USP37: variants seen among roughly 807,000 people sequenced by gnomAD.
USP37 encodes the protein ubiquitin specific peptidase 37.
USP37 carries 27 observed loss-of-function variants against 124.0 expected under a neutral mutation model. That is an observed-to-expected ratio of 0.22 (90% confidence interval 0.16 to 0.30). USP37 has a LOEUF of 0.30. USP37 is among the 10% of genes least tolerant of loss of function. USP37 has a pLI of 1.00. For missense variants in USP37, 889 were observed against 1,140.4 expected (o/e 0.78, Z 3.17); for synonymous variants, 365 against 388.0 (o/e 0.94, Z 0.70).
At chr2:218,505,120 T>C (rs1430843480) in intron 11 of USP37, among the ~76,000 whole-genome samples, 2 of 152,192 alleles carry the variant, frequency 1.3e-5, no homozygotes, top group African/African-American at 4.8e-5. Flanking sequence ...GCTCAAGCAA[T>C]CCTCCCACCT....
intron 8 of USP37, among the ~76,000 whole-genome samples, chr2:218,538,366 T>TG (rs1223585238): frequency 6.6e-6 from 1 of 152,248 alleles, no homozygotes; most frequent in African/African-American, 2.4e-5. Flanking sequence ...CGAGCAAGCC[T>TG]GGAAGATTGG....
chr2:218,542,177 GTTAT>G (rs1426749137), intron 8 of USP37, among the ~76,000 whole-genome samples: 1 of 152,108 alleles, frequency 6.6e-6, no homozygotes, highest in Non-Finnish European at 1.5e-5. Context: ...CTCCCACTCT[GTTAT>G]TTGTCTCCTC....
At chr2:218,550,776 C>A (rs1015468018) in intron 5 of USP37, among the ~76,000 whole-genome samples, 6 of 151,726 alleles carry the variant, frequency 4.0e-5, no homozygotes, top group Admixed American at 2.0e-4. Context: ...ATCTATTTTG[C>A]TTCCTGAATT....
chr2:218,566,639 T>C (rs766079497), intron 1 of USP37, among the ~76,000 whole-genome samples: 7 of 152,208 alleles, frequency 4.6e-5, no homozygotes, highest in Non-Finnish European at 8.8e-5. Flanking sequence ...GCCAAGTGCT[T>C]ATCATGGTTA....
intron 14 of USP37, among the ~76,000 whole-genome samples, chr2:218,494,740 T>C (rs1270120541): frequency 2.0e-5 from 3 of 152,216 alleles, no homozygotes; most frequent in African/African-American, 4.8e-5. Context: ...TACAGATGAC[T>C]GGAAGATTAG....
In USP37 at chr2:218,547,550, GA is replaced by G. The variant is rs1245259653; in HGVS notation, c.430-460del. On this transcript the variant is annotated intron_variant, in intron 6 of 25. Transcript: ENST00000258399. The stretch of plus-strand genomic sequence containing the variant: ...TTAAAAACTCCACAGCACACCTGTT[GA>G]GGGGGCAAGAACACTGCTTTGAATT... Among the ~76,000 whole-genome samples the G allele has an allele frequency of 2.8e-5, 4 of 143,178 alleles. No individual in the cohort carries two copies. The East Asian group carries it at 8.1e-4, about 29-fold the overall frequency. The allele number at this position is 143,178 out of a possible 152,430, so 93.9% of individuals were successfully genotyped here. A position where few individuals can be genotyped will look rare whatever the true frequency, so the allele number is the denominator to read the frequency against.
At chr2:218,566,872 A>C (rs1291870201) in intron 1 of USP37, among the ~76,000 whole-genome samples, 2 of 152,196 alleles carry the variant, frequency 1.3e-5, no homozygotes, top group Non-Finnish European at 2.9e-5. Context: ...CCAAGTGTGT[A>C]GCCTGTGTCA....
At chr2:218,536,752 T>C (rs1691669095) in intron 8 of USP37, among the ~76,000 whole-genome samples, 1 of 152,150 alleles carries the variant, frequency 6.6e-6, no homozygotes, top group Non-Finnish European at 1.5e-5. Flanking sequence ...GGGAACATAA[T>C]CTACAACAGC....
chr2:218,492,802 C>G (rs1389151218), intron 14 of USP37, among the ~76,000 whole-genome samples: 1 of 152,052 alleles, frequency 6.6e-6, no homozygotes, highest in Admixed American at 6.6e-5. Flanking sequence ...GAGGCCAGTT[C>G]AAGACTAGAC....
intron 15 of USP37, among the ~76,000 whole-genome samples, chr2:218,487,924 C>A (rs1691666122): frequency 1.3e-5 from 2 of 151,266 alleles, no homozygotes; most frequent in South Asian, 4.2e-4. Context: ...TGGCTCACAC[C>A]TGTAATCCCA....
chr2:218,495,442 C>T (rs1033574668), intron 14 of USP37, among the ~76,000 whole-genome samples: 3 of 152,050 alleles, frequency 2.0e-5, no homozygotes, highest in Non-Finnish European at 4.4e-5. Flanking sequence ...GTGCCCAGCC[C>T]AAGCATTTCT....
At chr2:218,461,006 T>A (rs1344046102) in intron 22 of USP37, among the ~76,000 whole-genome samples, 2 of 152,148 alleles carry the variant, frequency 1.3e-5, no homozygotes, top group African/African-American at 4.8e-5. Flanking sequence ...GAATTCAACC[T>A]TTAACTCTTA....
chr2:218,451,013 A>G lies in USP37; in HGVS notation c.*3917T>C, dbSNP rs1689462510. Reference sequence around the variant, plus strand: ...AATGATTGTGGTTAAACACAGCAAAATAATTGTCACAAAACTTTCAAGGCC... The same window carrying G: ...AATGATTGTGGTTAAACACAGCAAAGTAATTGTCACAAAACTTTCAAGGCC... On this transcript the variant is annotated 3_prime_UTR_variant, in exon 26 of 26. Coordinates refer to ENST00000258399, the MANE Select transcript of USP37 (RefSeq NM_020935.3). 6.6e-6 allele frequency: 1 copy of G among 152,218 alleles called. No homozygotes were observed. Among genetic ancestry groups the G allele is most frequent in the Admixed American group, 6.6e-5 (1 of 15,260 alleles). The allele number at this position is 152,218 out of a possible 1,614,324, so 9.4% of individuals were successfully genotyped here.
chr2:218,539,923 T>C (rs1014321248), intron 8 of USP37, among the ~76,000 whole-genome samples: 3 of 152,000 alleles, frequency 2.0e-5, no homozygotes, highest in African/African-American at 4.8e-5. Flanking sequence ...GGCAGGAGAA[T>C]TGAGTGAAAC....
At chr2:218,547,116 T>C in intron 6 of USP37, 25 bp from the exon 7 acceptor site, 1 of 1,570,636 alleles carries the variant, frequency 6.4e-7, no homozygotes, top group Non-Finnish European at 8.6e-7. Context: ...TTTGAGATAG[T>C]TAAATCTTCA....
chr2:218,458,747 A>T (rs1302029223), intron 23 of USP37, among the ~76,000 whole-genome samples: 1 of 152,158 alleles, frequency 6.6e-6, no homozygotes, highest in Non-Finnish European at 1.5e-5. Flanking sequence ...GCCATTAAAC[A>T]TAAGCTTATA....
chr2:218,546,667 C>T (rs1692343297), intron 7 of USP37, among the ~76,000 whole-genome samples: 1 of 152,174 alleles, frequency 6.6e-6, no homozygotes, highest in Admixed American at 6.5e-5. Flanking sequence ...GATCCGCCCG[C>T]CTCAGTCTCC....
intron 3 of USP37, among the ~76,000 whole-genome samples, chr2:218,560,269 C>T (rs1399738112): frequency 1.3e-5 from 2 of 152,092 alleles, no homozygotes; most frequent in African/African-American, 4.8e-5. Flanking sequence ...TTTGCCTAAA[C>T]AGCTCAACAA....
intron 10 of USP37, among the ~76,000 whole-genome samples, chr2:218,521,935 C>T (rs989692053): frequency 3.9e-5 from 6 of 151,972 alleles, no homozygotes; most frequent in Admixed American, 1.3e-4. Flanking sequence ...AGTGCAGTGG[C>T]GTGATCACAG....
Sources: allele counts gnomAD v4.1 joint callset (sites outside exome capture counted in the v4.1 genomes callset), GRCh38; gene constraint gnomAD v4.1.1; transcripts MANE v1.5; gene names NCBI Gene and HGNC (gene_info 2026-07-23, HGNC 2026-07-21).